Variants in TENM2 observed in about 807,000 individuals in gnomAD.
TENM2 encodes teneurin-2.
TENM2 carries 52 observed loss-of-function variants against 245.2 expected under a neutral mutation model. The observed-to-expected ratio is 0.21, with a 90% CI of 0.17 to 0.27. The LOEUF (loss-of-function observed/expected upper bound fraction) is 0.27. Among genes scored for constraint, TENM2 ranks in the 10% least tolerant of loss-of-function variants. The probability of loss-of-function intolerance (pLI) is 1.00; values close to 1 mark genes in which losing one functional copy is unlikely to be tolerated. For missense variants in TENM2, 3,046 were observed against 3,666.8 expected, an observed-to-expected ratio of 0.83 and a Z score of 4.37; for synonymous variants, 1,363 against 1,438.9, an observed-to-expected ratio of 0.95 and a Z score of 1.19.
At chr5:167,525,579 C>T (rs1771056263) in intron 2 of TENM2, among the ~76,000 whole-genome samples, 1 of 152,148 alleles carries the variant, frequency 6.6e-6, no homozygotes, top group Admixed American at 6.6e-5. Flanking sequence ...GTTGACTTCT[C>T]TTTATAGAAG....
chr5:167,761,407 C>G (rs1279524027), intron 2 of TENM2, among the ~76,000 whole-genome samples: 1 of 151,864 alleles, frequency 6.6e-6, no homozygotes, highest in African/African-American at 2.4e-5. Flanking sequence ...AACGAGGAAA[C>G]AAGTGTCCCA....
At chr5:168,136,987 A>G (rs1264312902) in intron 12 of TENM2, among the ~76,000 whole-genome samples, 1 of 152,198 alleles carries the variant, frequency 6.6e-6, no homozygotes, top group Non-Finnish European at 1.5e-5. Flanking sequence ...CATATCCCCT[A>G]GACTCCAGGT....
intron 2 of TENM2, among the ~76,000 whole-genome samples, chr5:167,576,944 G>A (rs1332351088): frequency 6.6e-6 from 1 of 152,186 alleles, no homozygotes; most frequent in Non-Finnish European, 1.5e-5. Flanking sequence ...AATAGGAAAT[G>A]TAATTAACAT....
At chr5:167,596,795 C>CA (rs35609546) in intron 2 of TENM2, among the ~76,000 whole-genome samples, 2,665 of 131,748 alleles carry the variant, frequency 0.02, 82 homozygotes, top group African/African-American at 0.064. Context: ...GATTCTGCCT[C>CA]AAAAAAAAAA....
chr5:167,316,711 G>A (rs1010220996), intron 1 of TENM2, among the ~76,000 whole-genome samples: 4 of 152,122 alleles, frequency 2.6e-5, no homozygotes, highest in Non-Finnish European at 4.4e-5. Context: ...AGTACAATCC[G>A]TAGAGTCAGA....
At chr5:167,055,988 G>T in the TENM2 span, among the ~76,000 whole-genome samples, 1 of 151,950 alleles carries the variant, frequency 6.6e-6, no homozygotes, top group Non-Finnish European at 1.5e-5. Flanking sequence ...CCTTGTTCCT[G>T]ATTTTAGTGA....
At position 167,471,444 on chromosome 5, in the gene TENM2, A is replaced by G. The variant is rs141289203; in HGVS notation, c.502+95971A>G. Among the ~76,000 whole-genome samples the G allele has an allele frequency of 3.2e-3, 488 of 152,356 alleles. 2 individuals are homozygous for G. The highest frequency in any genetic ancestry group is 0.011 in the African/African-American group (462 of 41,584). ...TAATGGAGAAGAAGGAGTTAATACA[A>G]TAACAAAACTCTAAGAATAAAAGTA... On this transcript the variant is annotated intron_variant, in intron 2 of 28. Coordinates refer to ENST00000518659, the Ensembl canonical transcript of TENM2.
chr5:167,391,622 CAAAAAAAAAAAAA>C (rs56202184), intron 2 of TENM2, among the ~76,000 whole-genome samples: 1 of 53,500 alleles, frequency 1.9e-5, no homozygotes, highest in South Asian at 8.3e-4. Flanking sequence ...AAGACTTCAT[CAAAAAAAAAAAAA>C]AAAAAAAAAA....
chr5:167,799,543 C>T (rs1193450168), intron 2 of TENM2, among the ~76,000 whole-genome samples: 1 of 152,132 alleles, frequency 6.6e-6, no homozygotes, highest in Non-Finnish European at 1.5e-5. Flanking sequence ...AATAAAGGTA[C>T]ATGATAAAAT....
At chr5:167,990,689 G>A (rs899651215) in intron 4 of TENM2, among the ~76,000 whole-genome samples, 1 of 152,134 alleles carries the variant, frequency 6.6e-6, no homozygotes, top group African/African-American at 2.4e-5. Context: ...ATTGGACAAG[G>A]AGTCCAAAGC....
At chr5:167,526,360 G>GCACACACACACACACACACACACA (rs72349867) in intron 2 of TENM2, among the ~76,000 whole-genome samples, 2 of 144,156 alleles carry the variant, frequency 1.4e-5, no homozygotes, top group African/African-American at 5.1e-5. Context: ...TTAAGAAATA[G>GCACACACACACACACACACACACA]CACACACACA....
chr5:168,083,656 A>G (rs1792193846), intron 7 of TENM2, among the ~76,000 whole-genome samples: 1 of 150,824 alleles, frequency 6.6e-6, no homozygotes, highest in African/African-American at 2.4e-5. Flanking sequence ...CTAAATTAGT[A>G]AATCAGTAGC....
intron 2 of TENM2, among the ~76,000 whole-genome samples, chr5:167,814,186 C>T (rs1416326112): frequency 6.6e-6 from 1 of 152,002 alleles, no homozygotes; most frequent in Non-Finnish European, 1.5e-5. Flanking sequence ...ATGATTTTTC[C>T]TTTGTCCTCA....
At chr5:167,802,847 A>C (rs1442896945) in intron 2 of TENM2, among the ~76,000 whole-genome samples, 1 of 152,220 alleles carries the variant, frequency 6.6e-6, no homozygotes, top group Non-Finnish European at 1.5e-5. Flanking sequence ...AACAAGGTTC[A>C]CACCTGTCAA....
At chr5:167,627,204 T>C (rs1469038017) in intron 2 of TENM2, among the ~76,000 whole-genome samples, 1 of 152,194 alleles carries the variant, frequency 6.6e-6, no homozygotes, top group Non-Finnish European at 1.5e-5. Context: ...ATGGATTGAA[T>C]TCAGTGCAAT....
intron 13 of TENM2, among the ~76,000 whole-genome samples, chr5:168,167,680 C>G (rs1244252865): frequency 6.6e-6 from 1 of 152,166 alleles, no homozygotes. Flanking sequence ...TGTTTTGCAC[C>G]TTCTCTTTCA....
chr5:167,409,720 G>A (rs1762810920), intron 2 of TENM2, among the ~76,000 whole-genome samples: 1 of 151,842 alleles, frequency 6.6e-6, no homozygotes, highest in African/African-American at 2.4e-5. Context: ...TATTGTATTG[G>A]TAGTGTTAAA....
chr5:167,049,146 T>C, the TENM2 span, among the ~76,000 whole-genome samples: 5 of 152,204 alleles, frequency 3.3e-5, no homozygotes, highest in Non-Finnish European at 7.3e-5. Context: ...ACCCTAACAA[T>C]GTAAGCTACA....
At chr5:167,494,217 A>G (rs1768632259) in intron 2 of TENM2, among the ~76,000 whole-genome samples, 1 of 152,154 alleles carries the variant, frequency 6.6e-6, no homozygotes, top group Non-Finnish European at 1.5e-5. Flanking sequence ...CGCTATCACC[A>G]TCAAATGGAA....
Sources: allele counts gnomAD v4.1 joint callset (sites outside exome capture counted in the v4.1 genomes callset), GRCh38; gene constraint gnomAD v4.1.1; transcripts MANE v1.5; gene names NCBI Gene and HGNC (gene_info 2026-07-23, HGNC 2026-07-21).